The following TACR3 variants were observed in gnomAD, a reference collection of about 807,000 sequenced individuals.
The protein encoded by TACR3 is tachykinin receptor 3.
In TACR3, 34 loss-of-function variants were observed where a neutral mutation model predicts 35.0. That is an observed-to-expected ratio of 0.97 (90% CI 0.74 to 1.30). TACR3 has a LOEUF of 1.30. Ranked by LOEUF, TACR3 falls within the 50% of genes most tolerant of loss-of-function variation. The pLI is 0.00. For synonymous variants in TACR3, 233 were observed against 221.1 expected (o/e 1.05, Z -0.48); for missense variants, 558 against 591.7 (o/e 0.94, Z 0.59).
intron 3 of TACR3, among the ~76,000 whole-genome samples, chr4:103,600,064 G>A (rs566555949): frequency 1.3e-5 from 2 of 151,938 alleles, no homozygotes; most frequent in African/African-American, 2.4e-5. Flanking sequence ...GGTAGAATTC[G>A]GCTGTGAATC....
chr4:103,617,060 A>T (rs1164759145), intron 3 of TACR3, among the ~76,000 whole-genome samples: 1 of 152,226 alleles, frequency 6.6e-6, no homozygotes, highest in Non-Finnish European at 1.5e-5. Flanking sequence ...TTTCAGATGA[A>T]GATATGATCC....
chr4:103,633,227 T>C (rs1725106502), intron 3 of TACR3, among the ~76,000 whole-genome samples: 1 of 151,966 alleles, frequency 6.6e-6, no homozygotes, highest in Non-Finnish European at 1.5e-5. Context: ...AATGAGATAA[T>C]GTATGTGACT....
chr4:103,589,570 A>G lies in TACR3; in HGVS notation c.*112T>C. The G allele has an allele frequency of 7.2e-6, 9 of 1,258,676 alleles. No individual in the cohort carries two copies. In the South Asian group the frequency reaches 8.8e-5, roughly 12 times the overall value. 78.0% of individuals were successfully genotyped at this position (1,258,676 alleles called of 1,614,324 possible). ...TCAATTTGACCATAGCTGCCTAAAA[A>G]TTGCTTTCTGTTTCTAGAGGGTATA... On this transcript the variant is annotated 3_prime_UTR_variant, in exon 5 of 5. Transcript: ENST00000304883.
At chr4:103,717,503 A>T (rs1723115134) in intron 1 of TACR3, among the ~76,000 whole-genome samples, 2 of 152,316 alleles carry the variant, frequency 1.3e-5, no homozygotes, top group Admixed American at 1.3e-4. Context: ...TGGCAGGAAG[A>T]AATTGGAAAG....
intron 3 of TACR3, among the ~76,000 whole-genome samples, chr4:103,644,639 CAG>C (rs1200598122): frequency 6.6e-6 from 1 of 151,620 alleles, no homozygotes; most frequent in East Asian, 1.9e-4. Context: ...TAATACATAA[CAG>C]AAATTTAAAA....
At chr4:103,677,715 G>A (rs1341346322) in intron 1 of TACR3, among the ~76,000 whole-genome samples, 1 of 152,068 alleles carries the variant, frequency 6.6e-6, no homozygotes, top group Non-Finnish European at 1.5e-5. Flanking sequence ...GAGTGTGGAG[G>A]GTGGGAGGAA....
intron 3 of TACR3, among the ~76,000 whole-genome samples, chr4:103,612,573 C>G (rs962491709): frequency 3.9e-5 from 6 of 151,902 alleles, no homozygotes; most frequent in Admixed American, 3.9e-4. Flanking sequence ...AGTGCAGTGG[C>G]TTGCTCTTGG....
chr4:103,591,418 A>G, intron 4 of TACR3, 69 bp downstream of exon 4: 1 of 1,575,024 alleles, frequency 6.3e-7, no homozygotes, highest in Non-Finnish European at 8.7e-7. Context: ...AAGAAAATGG[A>G]ACAACATTGT....
chr4:103,602,424 G>T (rs1724230683), intron 3 of TACR3, among the ~76,000 whole-genome samples: 1 of 151,936 alleles, frequency 6.6e-6, no homozygotes, highest in Admixed American at 6.6e-5. Context: ...TCCGTTGCTG[G>T]TGAGGAGCTG....
At chr4:103,591,219 G>A in intron 4 of TACR3, 1 of 467,280 alleles carries the variant, frequency 2.1e-6, no homozygotes, top group Non-Finnish European at 3.8e-6. Flanking sequence ...AAAATTCTGA[G>A]ATTTTGGAGG....
In TACR3 at chr4:103,620,369, A is replaced by G. The variant is rs553266723; in HGVS notation, c.889-28686T>C. Reference sequence around the variant, plus strand: ...CCAGAGATTTCTCAAAGAACTTAAAATAGAGCTGCTATTCAACCCAGCATT... The same window carrying G: ...CCAGAGATTTCTCAAAGAACTTAAAGTAGAGCTGCTATTCAACCCAGCATT... On this transcript the variant is annotated intron_variant, in intron 3 of 4. Coordinates refer to ENST00000304883, the MANE Select transcript of TACR3 (RefSeq NM_001059.3). Among the ~76,000 whole-genome samples the G allele has an allele frequency of 1.6e-4, 25 of 152,362 alleles. No homozygotes were observed. The South Asian group carries it at 5.2e-3, about 32-fold the overall frequency.
intron 1 of TACR3, among the ~76,000 whole-genome samples, chr4:103,674,572 A>AGAT (rs1326416827): frequency 1.3e-5 from 2 of 152,164 alleles, no homozygotes; most frequent in African/African-American, 2.4e-5. Flanking sequence ...TTTTGTTTTG[A>AGAT]GATGGAGTCT....
At chr4:103,709,603 G>A (rs890279145) in intron 1 of TACR3, among the ~76,000 whole-genome samples, 2 of 152,068 alleles carry the variant, frequency 1.3e-5, no homozygotes, top group East Asian at 1.9e-4. Flanking sequence ...ATCAACTAAC[G>A]AGCAAAATAA....
intron 1 of TACR3, among the ~76,000 whole-genome samples, chr4:103,718,902 T>C (rs192664812): frequency 6.6e-6 from 1 of 152,292 alleles, no homozygotes; most frequent in Non-Finnish European, 1.5e-5. Context: ...ATATCCTTAA[T>C]AAGGCTCAAT....
chr4:103,618,917 G>A (rs1271461334), intron 3 of TACR3, among the ~76,000 whole-genome samples: 1 of 152,082 alleles, frequency 6.6e-6, no homozygotes, highest in Non-Finnish European at 1.5e-5. Flanking sequence ...ATATAGAAAT[G>A]CTATTGATTT....
At chr4:103,705,613 A>G (rs1722770205) in intron 1 of TACR3, among the ~76,000 whole-genome samples, 2 of 152,222 alleles carry the variant, frequency 1.3e-5, no homozygotes, top group African/African-American at 4.8e-5. Context: ...ATGGGAATCT[A>G]TAAGGAAACA....
At chr4:103,616,084 A>G (rs1480451063) in intron 3 of TACR3, among the ~76,000 whole-genome samples, 2 of 152,246 alleles carry the variant, frequency 1.3e-5, no homozygotes, top group African/African-American at 4.8e-5. Flanking sequence ...ACAGGTCAGT[A>G]ATGTCAGAAA....
chr4:103,650,788 GAT>G (rs1325112258), intron 3 of TACR3, among the ~76,000 whole-genome samples: 1 of 47,074 alleles, frequency 2.1e-5, no homozygotes, highest in Non-Finnish European at 3.2e-5. Flanking sequence ...TATTATATAT[GAT>G]ATATATATTT....
At chr4:103,683,365 T>C in intron 1 of TACR3, among the ~76,000 whole-genome samples, 1 of 144,122 alleles carries the variant, frequency 6.9e-6, no homozygotes. Flanking sequence ...AGAGAGGAAA[T>C]CAATACAAGT....
Sources: allele counts gnomAD v4.1 joint callset (sites outside exome capture counted in the v4.1 genomes callset), GRCh38; gene constraint gnomAD v4.1.1; transcripts MANE v1.5; gene names NCBI Gene and HGNC (gene_info 2026-07-23, HGNC 2026-07-21).